Variants in LRIT1 observed in about 807,000 individuals in gnomAD.
LRIT1 encodes the protein leucine-rich repeat, immunoglobulin-like domain and transmembrane domain-containing protein 1.
In LRIT1, 23 loss-of-function variants were observed where a neutral mutation model predicts 24.0. The observed-to-expected ratio is 0.96, with a 90% CI of 0.69 to 1.36. The LOEUF (loss-of-function observed/expected upper bound fraction) is 1.36. Ranked by LOEUF, LRIT1 falls within the 40% of genes most tolerant of loss-of-function variation. The probability of loss-of-function intolerance (pLI) is 0.00; values close to 1 mark genes in which losing one functional copy is unlikely to be tolerated. For missense variants in LRIT1, 846 were observed against 806.3 expected (o/e 1.05, Z -0.60); for synonymous variants, 361 against 340.5 (o/e 1.06, Z -0.66).
At chr10:84,236,495 G>A (rs1019498779) in intron 2 of LRIT1, among the ~76,000 whole-genome samples, 9 of 152,278 alleles carry the variant, frequency 5.9e-5, no homozygotes, top group African/African-American at 2.2e-4. Context: ...TGATCCATTT[G>A]TAGTAATTTA....
In LRIT1 at chr10:84,232,387, A is replaced by G. The variant is rs1464857440; in HGVS notation, c.1412T>C (p.Met471Thr). 6.2e-7 allele frequency: 1 copy of G among 1,613,932 alleles called. No homozygotes were observed. Among genetic ancestry groups the G allele is most frequent in the Non-Finnish European group, 8.5e-7 (1 of 1,180,014 alleles). ...CCCAGGCTGCACAATCACCCGCCGCATGCTGTGCTGCCCAAAGACCGCGTA... is the reference window on the plus strand; with the variant it reads ...CCCAGGCTGCACAATCACCCGCCGCGTGCTGTGCTGCCCAAAGACCGCGTA... Reference protein sequence around the residue: ...VLYAVFGQHSMRRVIVQPGKT... With the variant: ...VLYAVFGQHSTRRVIVQPGKT... The change falls in exon 4 of 4, where the codon ATG becomes ACG. Residue 471 changes from methionine (M) to threonine (T), a missense_variant. Coordinates refer to ENST00000372105, the MANE Select transcript of LRIT1 (RefSeq NM_015613.3).
At chr10:84,233,811 T>C (rs932664290) in intron 3 of LRIT1, among the ~76,000 whole-genome samples, 3 of 152,188 alleles carry the variant, frequency 2.0e-5, no homozygotes, top group African/African-American at 4.8e-5. Context: ...CAGCTTTTTG[T>C]TCTCTCAGGG....
Position 84,232,130 on chromosome 10 carries a change from G to A in LRIT1, c.1669C>T (p.Arg557Ter), listed in dbSNP as rs147050752. 297 of 1,614,106 alleles carry A rather than the reference G, an allele frequency of 1.8e-4. 6 individuals carry two copies. The Admixed American group carries it at 4.5e-3, about 24-fold the overall frequency. ...VCCSALQKRC[R>*]KCFNKDSTEA... is the part of the protein sequence containing the mutation. ...GTGGAGTCCTTGTTGAAGCACTTTC[G>A]GCAGCGCTTCTGAAGAGCACTGCAG... is the stretch of plus-strand genomic sequence containing the variant. The change falls in exon 4 of 4, where the codon CGA becomes TGA. Residue 557 changes from arginine (R) to a stop codon, truncating the protein, a stop_gained. Coordinates refer to ENST00000372105, the MANE Select transcript of LRIT1 (RefSeq NM_015613.3). LOFTEE classifies it low-confidence loss of function (END_TRUNC).
chr10:84,236,017 C>A (rs1332347272), intron 2 of LRIT1, among the ~76,000 whole-genome samples: 1 of 151,678 alleles, frequency 6.6e-6, no homozygotes, highest in Non-Finnish European at 1.5e-5. Context: ...GTATTGCCGG[C>A]CGGGTGCGGT....
chr10:84,237,460 T>TCCCG lies in LRIT1; in HGVS notation c.345_348dup (p.Asn117ArgfsTer34), dbSNP rs1842659691. The TCCCG allele has an allele frequency of 6.4e-7, 1 of 1,565,496 alleles. No individual in the cohort carries two copies. Among genetic ancestry groups the TCCCG allele is most frequent in the Non-Finnish European group, 8.6e-7 (1 of 1,158,978 alleles). ...GCCCAGGGGAAGGCGGCCAGGCGGT[T>TCCCG]CCCGGGCAGCCGCAGCTCCCGCAGG... is the stretch of plus-strand genomic sequence containing the variant. On this transcript the variant is annotated frameshift_variant, in exon 2 of 4. Coordinates refer to ENST00000372105, the MANE Select transcript of LRIT1 (RefSeq NM_015613.3). LOFTEE classifies it high-confidence loss of function.
chr10:84,239,257 G>A (rs1361383169), intron 1 of LRIT1, among the ~76,000 whole-genome samples: 3 of 152,208 alleles, frequency 2.0e-5, no homozygotes, highest in African/African-American at 7.2e-5. Flanking sequence ...GGAAGAAAGA[G>A]CATTTACAGC....
rs1842657900 is a variant in LRIT1, at chr10:84,237,369, G to A, written c.440C>T (p.Pro147Leu). 2 of 1,549,850 alleles carry A rather than the reference G, an allele frequency of 1.3e-6. No individual in the cohort carries two copies. The highest frequency in any genetic ancestry group is 1.4e-5 in the African/African-American group (1 of 73,158). The change falls in exon 2 of 4, where the codon CCC (proline) becomes CTC (leucine). Residue 147 changes from proline to leucine, a missense_variant. Physicochemically the swap from Pro to Leu is moderately conservative, Grantham distance 98. Coordinates refer to ENST00000372105, the MANE Select transcript of LRIT1 (RefSeq NM_015613.3). Reference sequence around the variant, plus strand: ...CTCCAGGAAGCGCGCGGCCTCAGCGGGCACAGCCGAGAGGCGGTTGGCCTG... The same window carrying A: ...CTCCAGGAAGCGCGCGGCCTCAGCGAGCACAGCCGAGAGGCGGTTGGCCTG... Reference protein sequence around the residue: ...DLQANRLSAVPAEAARFLENL... With the variant: ...DLQANRLSAVLAEAARFLENL...
chr10:84,234,389 A>G lies in LRIT1; in HGVS notation c.590-11T>C, dbSNP rs563477536. On this transcript the variant is annotated splice_polypyrimidine_tract_variant and intron_variant, in intron 2 of 3. Transcript: ENST00000372105. ...GGTTGTCCTGTAGCCCTGCAGGAGTAAAAAAGAAGACAAGATATTCAGATA... is the reference window on the plus strand; with the variant it reads ...GGTTGTCCTGTAGCCCTGCAGGAGTGAAAAAGAAGACAAGATATTCAGATA... The G allele has an allele frequency of 9.9e-6, 15 of 1,508,208 alleles. No homozygotes were observed. Among genetic ancestry groups the G allele is most frequent in the Admixed American group, 6.8e-5 (3 of 43,884 alleles). The allele number at this position is 1,508,208 out of a possible 1,614,324, so 93.4% of individuals were successfully genotyped here.
chr10:84,232,734 ACTGTGTT>A lies in LRIT1; in HGVS notation c.1058_1064del (p.Glu353ValfsTer51), dbSNP rs1842613718. On this transcript the variant is annotated frameshift_variant, in exon 4 of 4. Coordinates refer to ENST00000372105, the MANE Select transcript of LRIT1 (RefSeq NM_015613.3). LOFTEE classifies it low-confidence loss of function (END_TRUNC). Reference sequence around the variant, plus strand: ...TTGCCCATAGTGCTCCTGGGCTCCCACTGTGTTCTGTGGAAGTCGGTGGCTCAGTGAC... The same window carrying A: ...TTGCCCATAGTGCTCCTGGGCTCCCACTGTGGAAGTCGGTGGCTCAGTGAC... The A allele has an allele frequency of 6.2e-7, 1 of 1,613,920 alleles. No homozygotes were observed. The highest frequency in any genetic ancestry group is 1.3e-5 in the African/African-American group (1 of 74,912).
chr10:84,234,182 G>T lies in LRIT1; in HGVS notation c.786C>A (p.Ser262Arg), dbSNP rs1203499704. ...CTGTGCCACCCAAAAGGGACCTGAT[G>T]CTGGCCACTCCTGGATGGAGCTCTG... is the stretch of plus-strand genomic sequence containing the variant. ...QGPELHPGVA[S>R]IRSLLGGTAL... The change falls in exon 3 of 4, where the codon AGC (serine) becomes AGA (arginine). Residue 262 changes from serine (S) to arginine (R), a missense_variant. Ser to Arg is a moderately radical substitution (Grantham distance 110). Coordinates refer to ENST00000372105, the MANE Select transcript of LRIT1 (RefSeq NM_015613.3). 1.2e-6 allele frequency: 2 copies of T among 1,613,932 alleles called. No homozygotes were observed. Among genetic ancestry groups the T allele is most frequent in the Middle Eastern group, 1.6e-4 (1 of 6,084 alleles).
At chr10:84,241,098 C>T (rs531107264) in intron 1 of LRIT1, among the ~76,000 whole-genome samples, 23 of 152,238 alleles carry the variant, frequency 1.5e-4, no homozygotes, top group Non-Finnish European at 2.5e-4. Context: ...GCCTCACCCT[C>T]GGGCCCATGT....
chr10:84,238,535 C>T (rs1031908367), intron 1 of LRIT1, among the ~76,000 whole-genome samples: 1 of 152,194 alleles, frequency 6.6e-6, no homozygotes, highest in Non-Finnish European at 1.5e-5. Context: ...TTGGCAGCCC[C>T]ACAGCTGGAT....
chr10:84,239,937 G>A (rs1206316636), intron 1 of LRIT1, among the ~76,000 whole-genome samples: 8 of 152,230 alleles, frequency 5.3e-5, no homozygotes, highest in Non-Finnish European at 2.9e-5. Context: ...GTGCATGTTA[G>A]CCATGGGATA....
Position 84,232,481 on chromosome 10 carries a change from T to C in LRIT1, c.1318A>G (p.Thr440Ala), listed in dbSNP as rs1407324674. 6.2e-7 allele frequency: 1 copy of C among 1,614,116 alleles called. No individual in the cohort carries two copies. Among genetic ancestry groups the C allele is most frequent in the East Asian group, 2.2e-5 (1 of 44,862 alleles). ...CACACCAAGGACACGCTGTGGTAAGTGTCCCCCACCACCTTCACAGACCTC... is the reference window on the plus strand; with the variant it reads ...CACACCAAGGACACGCTGTGGTAAGCGTCCCCCACCACCTTCACAGACCTC... Reference protein sequence around the residue: ...MVRSVKVVGDTYHSVSLVWKA... With the variant: ...MVRSVKVVGDAYHSVSLVWKA... The change falls in exon 4 of 4, where the codon ACT (threonine) becomes GCT (alanine). Residue 440 changes from threonine to alanine, a missense_variant. Physicochemically the swap from Thr to Ala is moderately conservative, Grantham distance 58. Coordinates refer to ENST00000372105, the MANE Select transcript of LRIT1 (RefSeq NM_015613.3).
chr10:84,240,174 C>A (rs918214843), intron 1 of LRIT1, among the ~76,000 whole-genome samples: 2 of 152,228 alleles, frequency 1.3e-5, no homozygotes, highest in African/African-American at 4.8e-5. Flanking sequence ...GGCTTTCAGC[C>A]CTATGCCTTC....
rs367570478 is a variant in LRIT1, at chr10:84,231,888, C to T, written c.*39G>A. 3.9e-5 allele frequency: 61 copies of T among 1,562,470 alleles called. No homozygotes were observed. Among genetic ancestry groups the T allele is most frequent in the Non-Finnish European group, 4.9e-5 (57 of 1,155,066 alleles). The stretch of plus-strand genomic sequence containing the variant: ...TCAGGTGTCAGAGCTAAAGAAGGAG[C>T]GTGGGCAGGCAGGTGTGTGAGTTGC... On this transcript the variant is annotated 3_prime_UTR_variant, in exon 4 of 4. Coordinates refer to ENST00000372105, the MANE Select transcript of LRIT1 (RefSeq NM_015613.3).
intron 1 of LRIT1, among the ~76,000 whole-genome samples, chr10:84,239,452 G>C (rs548637515): frequency 6.6e-6 from 1 of 152,292 alleles, no homozygotes; most frequent in Non-Finnish European, 1.5e-5. Flanking sequence ...CTCAAAAAAA[G>C]TAATACAGGT....
intron 1 of LRIT1, among the ~76,000 whole-genome samples, chr10:84,240,878 T>C (rs980697877): frequency 6.6e-6 from 1 of 151,768 alleles, no homozygotes; most frequent in African/African-American, 2.4e-5. Flanking sequence ...GCCTGGGATA[T>C]GATTGAATAT....
Position 84,241,403 on chromosome 10 carries a change from G to C in LRIT1, c.37C>G (p.Leu13Val). Residue 13 changes from leucine to valine, a missense_variant, in exon 1 of 4, where the codon CTT (leucine) becomes GTT (valine). Transcript: ENST00000372105. ...CCCCGGGCCTGGGGGGGCCACGCAAGGGCCAAGAGCCAGAGCATGCCTAAT... is the reference window on the plus strand; with the variant it reads ...CCCCGGGCCTGGGGGGGCCACGCAACGGCCAAGAGCCAGAGCATGCCTAAT... ...VALGMLWLLA[L>V]AWPPQARGFC... The C allele has an allele frequency of 6.2e-7, 1 of 1,608,942 alleles. No individual in the cohort carries two copies. Among genetic ancestry groups the C allele is most frequent in the Non-Finnish European group, 8.5e-7 (1 of 1,177,838 alleles).
Sources: gnomAD v4.1 joint callset for allele counts (sites outside exome capture counted in the v4.1 genomes callset) on GRCh38, gnomAD v4.1.1 for gene constraint, MANE v1.5 for transcripts, NCBI Gene and HGNC (gene_info 2026-07-23, HGNC 2026-07-21) for gene names.